The following DCC variants were observed in gnomAD, a reference collection of about 807,000 sequenced individuals.
DCC encodes the protein netrin receptor DCC.
In DCC, 58 loss-of-function variants were observed where a neutral mutation model predicts 172.5. The ratio of observed to expected loss-of-function variants is 0.34; its 90% CI spans 0.27 to 0.42. DCC has a LOEUF of 0.42. Among genes scored for constraint, DCC ranks in the 10% least tolerant of loss-of-function variants. DCC has a pLI of 1.00. For synonymous variants in DCC, 709 were observed against 644.5 expected (o/e 1.10, Z -1.52); for missense variants, 1,740 against 1,791.0 (o/e 0.97, Z 0.51).
intron 1 of DCC, among the ~76,000 whole-genome samples, chr18:52,413,791 ACT>A (rs1357014613): frequency 2.0e-5 from 3 of 151,408 alleles, no homozygotes; most frequent in Admixed American, 6.6e-5. Flanking sequence ...TTTTGATGAG[ACT>A]CTGAGAGAAA....
chr18:52,726,884 T>C (rs2036559159), intron 1 of DCC, among the ~76,000 whole-genome samples: 1 of 152,208 alleles, frequency 6.6e-6, no homozygotes, highest in African/African-American at 2.4e-5. Context: ...TAGAAATGAC[T>C]CAATAGAAAC....
At chr18:53,256,806 A>G (rs775701289) in intron 12 of DCC, among the ~76,000 whole-genome samples, 115 of 152,166 alleles carry the variant, frequency 7.6e-4, no homozygotes, top group African/African-American at 2.6e-3. Flanking sequence ...CTTGGGCAGT[A>G]TGGCCATTTT....
At chr18:52,359,608 C>T (rs912466091) in intron 1 of DCC, among the ~76,000 whole-genome samples, 3 of 152,086 alleles carry the variant, frequency 2.0e-5, no homozygotes, top group African/African-American at 7.2e-5. Context: ...AGTAGCCATC[C>T]TGTGTTACAT....
chr18:52,673,013 T>C (rs145008266), intron 1 of DCC, among the ~76,000 whole-genome samples: 1,911 of 152,228 alleles, frequency 0.013, 51 homozygotes, highest in African/African-American at 0.044. Flanking sequence ...CAGTGAGCCA[T>C]GATTGCTCCA....
At chr18:52,929,940 A>G (rs766980226) in intron 5 of DCC, among the ~76,000 whole-genome samples, 1 of 151,592 alleles carries the variant, frequency 6.6e-6, no homozygotes, top group Non-Finnish European at 1.5e-5. Flanking sequence ...AAATCATGGC[A>G]TCTTTCTTTG....
intron 5 of DCC, among the ~76,000 whole-genome samples, chr18:53,018,965 C>G (rs1414756968): frequency 2.6e-5 from 4 of 152,102 alleles, no homozygotes; most frequent in South Asian, 2.1e-4. Flanking sequence ...CATTAAAACA[C>G]TAGATTTCAG....
intron 1 of DCC, among the ~76,000 whole-genome samples, chr18:52,522,869 A>T (rs1300206050): frequency 6.6e-6 from 1 of 152,170 alleles, no homozygotes; most frequent in Non-Finnish European, 1.5e-5. Context: ...GGTCAAGAAG[A>T]GGTTGGGTGT....
At chr18:52,605,015 G>A (rs1195802143) in intron 1 of DCC, among the ~76,000 whole-genome samples, 1 of 72,362 alleles carries the variant, frequency 1.4e-5, no homozygotes, top group Non-Finnish European at 3.6e-5. Flanking sequence ...AGGAGCTGAA[G>A]TTCTGGAATC....
chr18:52,593,734 G>A (rs138874559), intron 1 of DCC, among the ~76,000 whole-genome samples: 1 of 152,288 alleles, frequency 6.6e-6, no homozygotes, highest in East Asian at 1.9e-4. Context: ...TTCTCTGTGC[G>A]TTGTAGAGCT....
chr18:52,626,985 C>A (rs1227957840), intron 1 of DCC, among the ~76,000 whole-genome samples: 3 of 152,160 alleles, frequency 2.0e-5, no homozygotes. Flanking sequence ...CCATTTATTT[C>A]TCAGTCCATC....
intron 7 of DCC, among the ~76,000 whole-genome samples, chr18:53,142,754 T>C (rs986143036): frequency 1.3e-5 from 2 of 152,354 alleles, no homozygotes; most frequent in Middle Eastern, 3.4e-3. Context: ...TATATTACTG[T>C]GAACTACAGT....
chr18:52,615,628 G>A (rs1178197432), intron 1 of DCC, among the ~76,000 whole-genome samples: 1 of 152,154 alleles, frequency 6.6e-6, no homozygotes, highest in East Asian at 1.9e-4. Context: ...TTCCTCAGCT[G>A]CAAATTCACT....
chr18:52,422,445 A>G lies in DCC; in HGVS notation c.91+81567A>G, dbSNP rs1255120904. ...AAATGTCCAGAACATGGCCCAGAGA[A>G]GAGCCTGTGACATTTATCTTCTGTA... On this transcript the variant is annotated intron_variant, in intron 1 of 28. Coordinates refer to ENST00000442544, the MANE Select transcript of DCC (RefSeq NM_005215.4). Among the ~76,000 whole-genome samples the G allele has an allele frequency of 2.0e-5, 3 of 152,304 alleles. No homozygotes were observed. In the East Asian group the frequency reaches 5.8e-4, roughly 29 times the overall value.
intron 2 of DCC, among the ~76,000 whole-genome samples, chr18:52,840,942 C>A (rs1598856226): frequency 7.1e-6 from 1 of 140,474 alleles, no homozygotes; most frequent in Admixed American, 7.7e-5. Flanking sequence ...CTGCTACCTT[C>A]TGAAAGGTTA....
chr18:53,179,195 CT>C, intron 9 of DCC, 79 bp downstream of exon 9: 1 of 1,409,078 alleles, frequency 7.1e-7, no homozygotes, highest in Non-Finnish European at 9.9e-7. Flanking sequence ...TTCACAGAAC[CT>C]TTGCGAAGTG....
intron 1 of DCC, among the ~76,000 whole-genome samples, chr18:52,672,658 C>T (rs1472682714): frequency 6.7e-6 from 1 of 148,996 alleles, no homozygotes; most frequent in East Asian, 2.0e-4. Context: ...CCCCTTCCCC[C>T]TTGCCCCCTT....
intron 1 of DCC, among the ~76,000 whole-genome samples, chr18:52,665,798 A>T (rs912824333): frequency 2.6e-5 from 4 of 152,198 alleles, no homozygotes; most frequent in Admixed American, 1.3e-4. Flanking sequence ...ATTGGGGAGA[A>T]CAATTTTTTT....
intron 12 of DCC, among the ~76,000 whole-genome samples, chr18:53,264,849 C>T (rs2056653877): frequency 6.6e-6 from 1 of 152,118 alleles, no homozygotes; most frequent in African/African-American, 2.4e-5. Context: ...AGCATCTTCA[C>T]ATCCTGAAAA....
Position 53,097,928 on chromosome 18 carries a change from C to T in DCC, c.1261+31762C>T, listed in dbSNP as rs142957151. Among the ~76,000 whole-genome samples the T allele has an allele frequency of 1.4e-3, 217 of 152,200 alleles. 1 individual carries two copies. Among genetic ancestry groups the T allele is most frequent in the African/African-American group, 4.9e-3 (204 of 41,534 alleles). On this transcript the variant is annotated intron_variant, in intron 7 of 28. Transcript: ENST00000442544. ...AACCTTAATTACCTCCTTAAAAGCC[C>T]TGTCTCTAAATACAGTCACATTGGG...
Sources: allele counts gnomAD v4.1 joint callset (sites outside exome capture counted in the v4.1 genomes callset), GRCh38; gene constraint gnomAD v4.1.1; transcripts MANE v1.5; gene names NCBI Gene and HGNC (gene_info 2026-07-23, HGNC 2026-07-21).